The following GLIS3 variants were observed in gnomAD, a reference collection of about 807,000 sequenced individuals.
GLIS3 encodes the protein GLIS family zinc finger 3.
In GLIS3, 53 loss-of-function variants were observed where a neutral mutation model predicts 78.6. The observed-to-expected ratio is 0.67, with a 90% CI of 0.54 to 0.85. GLIS3 has a LOEUF of 0.85. Among genes scored for constraint, GLIS3 ranks in the 40% least tolerant of loss-of-function variants. The probability of loss-of-function intolerance (pLI) is 0.00; values close to 1 mark genes in which losing one functional copy is unlikely to be tolerated. For synonymous variants in GLIS3, 684 were observed against 509.9 expected (o/e 1.34, Z -4.60); for missense variants, 1,703 against 1,231.1 (o/e 1.38, Z -5.74).
chr9:4,437,365 T>A, the GLIS3 span, among the ~76,000 whole-genome samples: 1 of 152,234 alleles, frequency 6.6e-6, no homozygotes, highest in African/African-American at 2.4e-5. Flanking sequence ...TTATTCTTTT[T>A]ACATATTCAT....
At chr9:4,140,943 CGCGTG>C (rs1833766156) in intron 2 of GLIS3, among the ~76,000 whole-genome samples, 1 of 152,020 alleles carries the variant, frequency 6.6e-6, no homozygotes, top group Admixed American at 6.6e-5. Context: ...GGATTATCGG[CGCGTG>C]CCACCACGCT....
At chr9:4,304,811 T>A (rs1177123165), upstream of GLIS3, among the ~76,000 whole-genome samples, 1 of 152,206 alleles carries the variant, frequency 6.6e-6, no homozygotes, top group Non-Finnish European at 1.5e-5. Context: ...TGAAAAAACT[T>A]GGAGATTTTC....
chr9:4,359,736 G>C, the GLIS3 span, among the ~76,000 whole-genome samples: 1 of 152,096 alleles, frequency 6.6e-6, no homozygotes, highest in Non-Finnish European at 1.5e-5. Flanking sequence ...ATTGATTTCT[G>C]CTGAAGTTAA....
rs975223829 is a variant in GLIS3 at position 4,342,310 on chromosome 9, G to C, written n.264+4771C>G. Among the ~76,000 whole-genome samples the C allele has an allele frequency of 2.6e-5, 4 of 152,164 alleles. No homozygotes were observed. In the South Asian group the frequency reaches 6.2e-4, roughly 24 times the overall value. On this transcript the variant is annotated intron_variant and non_coding_transcript_variant, in intron 2 of 4. Coordinates refer to the GLIS3 transcript ENST00000471664. Reference sequence around the variant, plus strand: ...ATCCAGGTTCAATCTTCTGCACGCGGCTAGCCAGTTATCCCAGCACCATTT... The same window carrying C: ...ATCCAGGTTCAATCTTCTGCACGCGCCTAGCCAGTTATCCCAGCACCATTT...
chr9:3,853,966 C>T (rs1022325659), intron 9 of GLIS3, among the ~76,000 whole-genome samples: 4 of 152,204 alleles, frequency 2.6e-5, no homozygotes, highest in African/African-American at 9.7e-5. Context: ...AAAGAAAAAT[C>T]ACTGCCAATT....
chr9:4,314,405 C>A (rs1483046000), intron 2 of GLIS3, among the ~76,000 whole-genome samples: 1 of 152,112 alleles, frequency 6.6e-6, no homozygotes, highest in Non-Finnish European at 1.5e-5. Flanking sequence ...CTTCCCCACT[C>A]CATGCAAAAA....
intron 7 of GLIS3, among the ~76,000 whole-genome samples, chr9:3,882,835 A>G (rs1411742574): frequency 6.6e-6 from 1 of 152,200 alleles, no homozygotes; most frequent in Non-Finnish European, 1.5e-5. Flanking sequence ...TTCTCTGGAA[A>G]ACAAGGTCTA....
chr9:4,094,882 T>A (rs556157632), intron 4 of GLIS3, among the ~76,000 whole-genome samples: 2 of 150,450 alleles, frequency 1.3e-5, no homozygotes, highest in South Asian at 4.2e-4. Flanking sequence ...GAAGTATTTT[T>A]AATTGCTTAA....
chr9:3,932,326 T>G (rs1007835783), intron 6 of GLIS3, 34 bp downstream of exon 6: 1 of 1,505,808 alleles, frequency 6.6e-7, no homozygotes, highest in African/African-American at 1.4e-5. Flanking sequence ...CTGAACATGC[T>G]TTTCCCGACT....
intron 4 of GLIS3, among the ~76,000 whole-genome samples, chr9:4,075,492 T>C (rs1827970702): frequency 6.7e-6 from 1 of 148,916 alleles, no homozygotes; most frequent in Admixed American, 6.7e-5. Context: ...GGAAGAATGG[T>C]GTGAACCCAG....
the GLIS3 span, among the ~76,000 whole-genome samples, chr9:4,403,758 C>G: frequency 6.6e-6 from 1 of 151,190 alleles, no homozygotes; most frequent in African/African-American, 2.4e-5. Context: ...TAAACCATAC[C>G]ACCAGAGAAA....
chr9:4,433,167 C>T, the GLIS3 span, among the ~76,000 whole-genome samples: 1 of 152,214 alleles, frequency 6.6e-6, no homozygotes, highest in African/African-American at 2.4e-5. Flanking sequence ...CGCTATGGCC[C>T]ACGCCTGTAA....
At chr9:3,832,737 A>G (rs1195670129) in intron 9 of GLIS3, among the ~76,000 whole-genome samples, 2 of 152,164 alleles carry the variant, frequency 1.3e-5, no homozygotes, top group African/African-American at 2.4e-5. Context: ...AAAATAGACA[A>G]TATTTGCTAT....
chr9:3,937,160 C>T lies in GLIS3; in HGVS notation c.1740G>A (p.Arg580=), dbSNP rs149545036. The T allele has an allele frequency of 3.7e-4, 595 of 1,614,076 alleles. 5 individuals are homozygous for T. In the Middle Eastern group the frequency reaches 3.8e-3, roughly 10 times the overall value. The change falls in exon 5 of 11, where the codon AGG becomes AGA. Residue 580 remains arginine (R), a synonymous_variant. Transcript: ENST00000381971. The part of the protein sequence containing the change: ...TFEGCEKAFS[R]LENLKIHLRS... Reference sequence around the variant, plus strand: ...GCAAGTGGATCTTGAGATTTTCAAGCCTTGAAAAGGCCTTCTCGCAACCTT... The same window carrying T: ...GCAAGTGGATCTTGAGATTTTCAAGTCTTGAAAAGGCCTTCTCGCAACCTT...
intron 2 of GLIS3, among the ~76,000 whole-genome samples, chr9:4,200,426 AAAAAC>A (rs1427574782): frequency 2.0e-5 from 3 of 152,314 alleles, no homozygotes; most frequent in African/African-American, 7.2e-5. Context: ...TTCAAAGAAA[AAAAAC>A]AGAGAAGATC....
chr9:4,085,283 C>G (rs954905602), intron 4 of GLIS3, among the ~76,000 whole-genome samples: 2 of 151,414 alleles, frequency 1.3e-5, no homozygotes, highest in African/African-American at 4.9e-5. Flanking sequence ...TAAATCTTTC[C>G]TCCATTTAAG....
intron 4 of GLIS3, among the ~76,000 whole-genome samples, chr9:3,961,605 T>C (rs752647724): frequency 3.3e-5 from 5 of 152,216 alleles, no homozygotes; most frequent in Non-Finnish European, 7.3e-5. Flanking sequence ...TGTGAGGAAA[T>C]AGCATCCCGT....
chr9:4,109,041 T>G (rs542769198), intron 4 of GLIS3, among the ~76,000 whole-genome samples: 1 of 152,154 alleles, frequency 6.6e-6, no homozygotes, highest in Non-Finnish European at 1.5e-5. Context: ...ACTGAGTCAC[T>G]GGGAATGGGT....
intron 9 of GLIS3, among the ~76,000 whole-genome samples, chr9:3,848,205 A>G (rs1819177868): frequency 6.6e-6 from 1 of 152,196 alleles, no homozygotes; most frequent in Non-Finnish European, 1.5e-5. Context: ...ATCAGCCTTT[A>G]AAAACAACCT....
Sources: gnomAD v4.1 joint callset for allele counts (sites outside exome capture counted in the v4.1 genomes callset) on GRCh38, gnomAD v4.1.1 for gene constraint, MANE v1.5 for transcripts, NCBI Gene and HGNC (gene_info 2026-07-23, HGNC 2026-07-21) for gene names.